CACNB2: variants seen among roughly 807,000 people sequenced by gnomAD.
The protein encoded by CACNB2 is voltage-dependent L-type calcium channel subunit beta-2.
CACNB2 carries 42 observed loss-of-function variants against 73.3 expected under a neutral mutation model. The ratio of observed to expected loss-of-function variants is 0.57; its 90% CI spans 0.45 to 0.74. CACNB2 has a LOEUF of 0.74. CACNB2 is among the 30% of genes least tolerant of loss of function. CACNB2 has a pLI of 0.00. For missense variants in CACNB2, 940 were observed against 853.0 expected (o/e 1.10, Z -1.27); for synonymous variants, 348 against 310.3 (o/e 1.12, Z -1.28).
Position 18,153,470 on chromosome 10 carries a change from G to A in CACNB2, c.213+2495G>A, listed in dbSNP as rs979449718. On this transcript the variant is annotated intron_variant, in intron 2 of 13. Transcript: ENST00000324631. ...TGCCATTTGAAAATAAGTAAAAGCT[G>A]CCATAAGATAGCCAGATATTTAATA... Among the ~76,000 whole-genome samples the A allele has an allele frequency of 2.0e-4, 30 of 152,048 alleles. 1 individual carries two copies. The highest frequency in any genetic ancestry group is 6.0e-4 in the African/African-American group (25 of 41,474).
intron 2 of CACNB2, chr10:18,400,919 G>T: frequency 6.4e-7 from 1 of 1,572,578 alleles, no homozygotes; most frequent in East Asian, 2.4e-5. Flanking sequence ...CGGAGAACAG[G>T]GGCTTGCCCA....
chr10:18,228,444 A>AAAAAAAAG (rs1554773828), intron 2 of CACNB2, among the ~76,000 whole-genome samples: 7 of 149,224 alleles, frequency 4.7e-5, no homozygotes, highest in Admixed American at 6.6e-5. Context: ...AAAAAAAAAA[A>AAAAAAAAG]AAAAAGAAAA....
intron 2 of CACNB2, among the ~76,000 whole-genome samples, chr10:18,268,249 A>C (rs945587807): frequency 2.0e-5 from 3 of 152,234 alleles, no homozygotes; most frequent in Non-Finnish European, 4.4e-5. Flanking sequence ...CTCTTTGCCC[A>C]AGGCTATTCT....
At chr10:18,250,073 C>A (rs527895741) in intron 2 of CACNB2, among the ~76,000 whole-genome samples, 1 of 152,150 alleles carries the variant, frequency 6.6e-6, no homozygotes, top group Non-Finnish European at 1.5e-5. Context: ...CAAAATATAT[C>A]CAGAATCCTA....
intron 2 of CACNB2, among the ~76,000 whole-genome samples, chr10:18,373,835 G>T (rs1436784458): frequency 2.6e-5 from 4 of 152,164 alleles, no homozygotes; most frequent in African/African-American, 9.7e-5. Context: ...AGACATTGGT[G>T]CTTGTACCGG....
intron 3 of CACNB2, among the ~76,000 whole-genome samples, chr10:18,408,654 A>G (rs547442707): frequency 1.3e-5 from 2 of 152,294 alleles, no homozygotes; most frequent in East Asian, 3.9e-4. Context: ...ATGCTCAGGC[A>G]GTGCTGAAAT....
At chr10:18,454,517 C>A (rs1459219356) in intron 3 of CACNB2, among the ~76,000 whole-genome samples, 1 of 151,948 alleles carries the variant, frequency 6.6e-6, no homozygotes, top group African/African-American at 2.4e-5. Flanking sequence ...GTTTTTTTAC[C>A]CCCTAAGAAC....
At chr10:18,336,095 C>A (rs1057022483) in intron 2 of CACNB2, among the ~76,000 whole-genome samples, 1 of 152,120 alleles carries the variant, frequency 6.6e-6, no homozygotes, top group African/African-American at 2.4e-5. Context: ...TTAAAACTGG[C>A]ATCTAAATAT....
chr10:18,295,074 G>T (rs2039222532), intron 2 of CACNB2, among the ~76,000 whole-genome samples: 2 of 152,128 alleles, frequency 1.3e-5, no homozygotes, highest in Admixed American at 6.5e-5. Context: ...CCGATATTGA[G>T]GCAGTTTTAC....
intron 10 of CACNB2, among the ~76,000 whole-genome samples, chr10:18,532,631 T>C (rs1033219056): frequency 4.4e-5 from 6 of 135,060 alleles, no homozygotes; most frequent in Admixed American, 1.8e-4. Flanking sequence ...GAGCCGAGAC[T>C]GCACCACTGC....
intron 2 of CACNB2, among the ~76,000 whole-genome samples, chr10:18,373,746 C>A (rs2042681800): frequency 1.3e-5 from 2 of 152,164 alleles, no homozygotes; most frequent in Non-Finnish European, 2.9e-5. Flanking sequence ...TTAGTTAATG[C>A]ATAAGATGTT....
intron 3 of CACNB2, among the ~76,000 whole-genome samples, chr10:18,472,390 C>T (rs1394398284): frequency 6.6e-6 from 1 of 152,048 alleles, no homozygotes; most frequent in African/African-American, 2.4e-5. Flanking sequence ...GTGCACGCCA[C>T]CATACATGGC....
intron 3 of CACNB2, among the ~76,000 whole-genome samples, chr10:18,427,007 G>A (rs543228648): frequency 3.6e-5 from 5 of 138,812 alleles, no homozygotes; most frequent in African/African-American, 1.4e-4. Flanking sequence ...CCAGGTGGGA[G>A]TGCAGTGGTG....
At chr10:18,299,406 G>GT (rs1364467600) in intron 2 of CACNB2, among the ~76,000 whole-genome samples, 1 of 152,210 alleles carries the variant, frequency 6.6e-6, no homozygotes, top group Non-Finnish European at 1.5e-5. Context: ...CAGAAATTCA[G>GT]TGGAGAAGGG....
chr10:18,410,032 C>T (rs1452430034), intron 3 of CACNB2, among the ~76,000 whole-genome samples: 1 of 152,112 alleles, frequency 6.6e-6, no homozygotes, highest in African/African-American at 2.4e-5. Context: ...AATGTCCAGT[C>T]AGTGCTGTTT....
intron 1 of CACNB2, among the ~76,000 whole-genome samples, chr10:18,143,396 A>C (rs2030634813): frequency 6.6e-6 from 1 of 152,244 alleles, no homozygotes; most frequent in African/African-American, 2.4e-5. Flanking sequence ...CAAACATTTC[A>C]AAGTTCAATT....
At chr10:18,491,596 A>G (rs2132943167) in intron 3 of CACNB2, among the ~76,000 whole-genome samples, 1 of 152,204 alleles carries the variant, frequency 6.6e-6, no homozygotes, top group Middle Eastern at 3.4e-3. Flanking sequence ...GGGGAAAAAC[A>G]ATCTGGTAGG....
chr10:18,152,329 A>G (rs1026600617), intron 2 of CACNB2, among the ~76,000 whole-genome samples: 10 of 152,166 alleles, frequency 6.6e-5, no homozygotes, highest in African/African-American at 2.4e-4. Flanking sequence ...GGTTGCAGGA[A>G]GTGAGAAAAA....
At position 18,534,148 on chromosome 10, in the gene CACNB2, A is replaced by G; in HGVS notation, c.1127A>G (p.Asp376Gly). 1 of 1,613,922 alleles carries G rather than the reference A, an allele frequency of 6.2e-7. No homozygotes were observed. The highest frequency in any genetic ancestry group is 8.5e-7 in the Non-Finnish European group (1 of 1,179,786). ...TTGCAGTTGGTGGTCCTTGACGCGGATACAATTAATCATCCAGCTCAACTC... is the reference window on the plus strand; with the variant it reads ...TTGCAGTTGGTGGTCCTTGACGCGGGTACAATTAATCATCCAGCTCAACTC... ...RTLQLVVLDA[D>G]TINHPAQLSK... The change falls in exon 11 of 14, where the codon GAT becomes GGT. Residue 376 changes from aspartate (D) to glycine (G), a missense_variant. Physicochemically the swap from Asp to Gly is moderately conservative, Grantham distance 94. Transcript: ENST00000324631.
Sources: allele counts gnomAD v4.1 joint callset (sites outside exome capture counted in the v4.1 genomes callset), GRCh38; gene constraint gnomAD v4.1.1; transcripts MANE v1.5; gene names NCBI Gene and HGNC (gene_info 2026-07-23, HGNC 2026-07-21).